The following FREM1 variants were observed in gnomAD, a reference collection of about 807,000 sequenced individuals.
FREM1 encodes the protein FRAS1-related extracellular matrix protein 1.
In FREM1, 220 loss-of-function variants were observed where a neutral mutation model predicts 210.1. That is an observed-to-expected ratio of 1.05 (90% CI 0.94 to 1.17). The LOEUF is 1.17. Among genes scored for constraint, FREM1 ranks in the 50% most tolerant of loss-of-function variants. The pLI is 0.00. For synonymous variants in FREM1, 1,189 were observed against 980.2 expected, an observed-to-expected ratio of 1.21 and a Z score of -3.98; for missense variants, 3,454 against 2,675.5, an observed-to-expected ratio of 1.29 and a Z score of -6.42.
At chr9:14,859,552 G>T in intron 3 of FREM1, 68 bp from the exon 4 acceptor site, 1 of 1,336,560 alleles carries the variant, frequency 7.5e-7, no homozygotes, top group Non-Finnish European at 1.0e-6. Flanking sequence ...CATGTACTCA[G>T]CTGGAAGACT....
chr9:14,804,583 T>G (rs1255272546), intron 19 of FREM1, among the ~76,000 whole-genome samples: 1 of 151,756 alleles, frequency 6.6e-6, no homozygotes, highest in Non-Finnish European at 1.5e-5. Flanking sequence ...GGACTCCATC[T>G]CAAAAAACAA....
intron 36 of FREM1, among the ~76,000 whole-genome samples, chr9:14,739,410 T>C (rs1467697215): frequency 6.7e-6 from 1 of 149,788 alleles, no homozygotes; most frequent in East Asian, 1.9e-4. Flanking sequence ...AGCCTACCTA[T>C]AATTCTTGAC....
chr9:14,747,322 G>T lies in FREM1; in HGVS notation c.5951C>A (p.Ala1984Glu). 1 of 1,613,584 alleles carries T rather than the reference G, an allele frequency of 6.2e-7. No individual in the cohort carries two copies. Among genetic ancestry groups the T allele is most frequent in the Non-Finnish European group, 8.5e-7 (1 of 1,179,720 alleles). Reference sequence around the variant, plus strand: ...CACCTTATCTGCTTGAGGCAGTTCTGCCACTTTGATTGTCTTTTGTGGCTG... The same window carrying T: ...CACCTTATCTGCTTGAGGCAGTTCTTCCACTTTGATTGTCTTTTGTGGCTG... ...ISQPQKTIKV[A>E]ELPQADKVES... Residue 1984 changes from alanine (A) to glutamate (E), a missense_variant, in exon 33 of 37, where the codon GCA becomes GAA. Transcript: ENST00000380880.
Position 14,851,264 on chromosome 9 carries a change from G to A in FREM1, c.1152+20C>T, listed in dbSNP as rs372984243. 1.3e-6 allele frequency: 2 copies of A among 1,537,712 alleles called. No homozygotes were observed. The highest frequency in any genetic ancestry group is 1.8e-6 in the Non-Finnish European group (2 of 1,139,658). On this transcript the variant is annotated intron_variant, in intron 6 of 36. Coordinates refer to ENST00000380880, the MANE Select transcript of FREM1 (RefSeq NM_001379081.2). ...CCTGTGACTTCTAACTAGGCTGGAAGCTTTGTCTCTCCTTCTTACCTCATC... is the reference window on the plus strand; with the variant it reads ...CCTGTGACTTCTAACTAGGCTGGAAACTTTGTCTCTCCTTCTTACCTCATC...
At chr9:14,860,818 C>CATATATACATATATACAT (rs1829946718) in intron 3 of FREM1, among the ~76,000 whole-genome samples, 2 of 48,086 alleles carry the variant, frequency 4.2e-5, no homozygotes, top group African/African-American at 1.0e-4. Flanking sequence ...CATATATACA[C>CATATATACATATATACAT]ATATATACAT....
chr9:14,753,070 A>AT (rs1188331336), intron 29 of FREM1, among the ~76,000 whole-genome samples: 2 of 152,100 alleles, frequency 1.3e-5, no homozygotes, highest in African/African-American at 2.4e-5. Flanking sequence ...AAACTTTATC[A>AT]TTTTTTCCCT....
chr9:14,844,266 C>A (rs897555160), intron 8 of FREM1, among the ~76,000 whole-genome samples: 9 of 151,524 alleles, frequency 5.9e-5, no homozygotes. Context: ...CCCTCTGTCG[C>A]CCAGGCTGGA....
chr9:14,830,623 C>A, intron 10 of FREM1, among the ~76,000 whole-genome samples: 1 of 152,214 alleles, frequency 6.6e-6, no homozygotes, highest in East Asian at 1.9e-4. Flanking sequence ...ACCTCCTCCT[C>A]TTTCGGCTTT....
In FREM1 at chr9:14,775,920, T is replaced by G; in HGVS notation, c.4726A>C (p.Asn1576His). The G allele has an allele frequency of 1.2e-6, 2 of 1,613,980 alleles. No homozygotes were observed. Among genetic ancestry groups the G allele is most frequent in the Non-Finnish European group, 1.7e-6 (2 of 1,179,880 alleles). Residue 1576 changes from asparagine (N) to histidine (H), a missense_variant, in exon 25 of 37, where the codon AAT becomes CAT. Physicochemically the swap from Asn to His is moderately conservative, Grantham distance 68. Coordinates refer to ENST00000380880, the MANE Select transcript of FREM1 (RefSeq NM_001379081.2). ...CCTCCTGAGTGCCGATAGGCCACAT[T>G]CTTGCTGTCCACATCCTGCTGGGTG... ...NFTQQDVDSK[N>H]VAYRHSGGDS... is the part of the protein sequence containing the mutation.
chr9:14,737,294 C>T lies in FREM1; in HGVS notation c.*102G>A. 1.3e-6 allele frequency: 1 copy of T among 751,628 alleles called. No individual in the cohort carries two copies. Among genetic ancestry groups the T allele is most frequent in the South Asian group, 2.1e-5 (1 of 47,300 alleles). 46.6% of individuals were successfully genotyped at this position (751,628 alleles called of 1,614,324 possible). A position where few individuals can be genotyped will look rare whatever the true frequency, so the allele number is the denominator to read the frequency against. ...ACTAGACAGAATCACAAAGGTATAC[C>T]CACTCAATCATAACAATTTGTTTTC... On this transcript the variant is annotated 3_prime_UTR_variant, in exon 37 of 37. Coordinates refer to ENST00000380880, the MANE Select transcript of FREM1 (RefSeq NM_001379081.2).
chr9:14,860,213 T>C (rs75937816), intron 3 of FREM1, among the ~76,000 whole-genome samples: 9,724 of 152,136 alleles, frequency 0.064, 1,020 homozygotes, highest in African/African-American at 0.22. Context: ...CAGACATTGT[T>C]AATCCCATTT....
At position 14,756,401 on chromosome 9, in the gene FREM1, G is replaced by C; in HGVS notation, c.5380C>G (p.Pro1794Ala). 1 of 1,601,746 alleles carries C rather than the reference G, an allele frequency of 6.2e-7. No individual in the cohort carries two copies. Among genetic ancestry groups the C allele is most frequent in the Non-Finnish European group, 8.5e-7 (1 of 1,173,788 alleles). The change falls in exon 29 of 37, where the codon CCA becomes GCA. Residue 1794 changes from proline (P) to alanine (A), a missense_variant. Coordinates refer to ENST00000380880, the MANE Select transcript of FREM1 (RefSeq NM_001379081.2). ...AAVGKDFTVI[P>A]SKLIQFDPGM... ...GGGTCAAACTGAATCAGTTTAGATG[G>C]AATCACGGTGAAATCTTTTCCAACT...
intron 1 of FREM1, among the ~76,000 whole-genome samples, chr9:14,876,475 T>G (rs1382023581): frequency 6.6e-6 from 1 of 152,216 alleles, no homozygotes; most frequent in African/African-American, 2.4e-5. Flanking sequence ...CGTAGGACCC[T>G]CTGAGCCAGG....
intron 16 of FREM1, among the ~76,000 whole-genome samples, chr9:14,810,076 A>G (rs1220832424): frequency 6.6e-6 from 1 of 152,174 alleles, no homozygotes; most frequent in Non-Finnish European, 1.5e-5. Flanking sequence ...AAGGAAAGTC[A>G]GCAAAGTTTC....
At chr9:14,808,220 A>G in intron 16 of FREM1, 86 bp from the exon 17 acceptor site, 1 of 792,036 alleles carries the variant, frequency 1.3e-6, no homozygotes, top group Non-Finnish European at 1.9e-6. Flanking sequence ...TTCTACAAGC[A>G]TTGAAACAGC....
At chr9:14,798,466 A>G (rs1274386134) in intron 20 of FREM1, among the ~76,000 whole-genome samples, 1 of 151,824 alleles carries the variant, frequency 6.6e-6, no homozygotes, top group Non-Finnish European at 1.5e-5. Flanking sequence ...TTTTTTTGAA[A>G]CACTAGCCAG....
chr9:14,874,073 G>A (rs62323651), intron 1 of FREM1, among the ~76,000 whole-genome samples: 1 of 152,122 alleles, frequency 6.6e-6, no homozygotes, highest in Non-Finnish European at 1.5e-5. Context: ...TTGCTGAGAA[G>A]AGCTTTACTT....
rs752908964 is a variant in FREM1 at position 14,770,598 on chromosome 9, C to A, written c.5059+7G>T. The A allele has an allele frequency of 3.7e-6, 6 of 1,603,436 alleles. No homozygotes were observed. The African/African-American group carries it at 8.0e-5, about 21-fold the overall frequency. On this transcript the variant is annotated splice_region_variant and intron_variant, in intron 26 of 36. Coordinates refer to ENST00000380880, the MANE Select transcript of FREM1 (RefSeq NM_001379081.2). The stretch of plus-strand genomic sequence containing the variant: ...ATGGCAATTGTAAGGATTAAGGAGG[C>A]CAGTACCTGTTGTTGTGTTCTCCAG...
At chr9:14,773,356 G>C (rs980244513) in intron 25 of FREM1, among the ~76,000 whole-genome samples, 3 of 152,178 alleles carry the variant, frequency 2.0e-5, no homozygotes, top group Admixed American at 1.3e-4. Flanking sequence ...GGTACCACCA[G>C]AAGAATAGTT....
Sources: gnomAD v4.1 joint callset for allele counts (sites outside exome capture counted in the v4.1 genomes callset) on GRCh38, gnomAD v4.1.1 for gene constraint, MANE v1.5 for transcripts, NCBI Gene and HGNC (gene_info 2026-07-23, HGNC 2026-07-21) for gene names.